GREM2: variants seen among roughly 807,000 people sequenced by gnomAD.
GREM2 encodes gremlin 2, DAN family BMP antagonist, also known as gremlin-2.
A neutral mutation model predicts 14.2 loss-of-function variants in GREM2; 11 were observed. That is an observed-to-expected ratio of 0.78 (90% CI 0.49 to 1.28). The LOEUF is 1.28. Among genes scored for constraint, GREM2 ranks in the 50% most tolerant of loss-of-function variants. The pLI, the probability that GREM2 is intolerant of heterozygous loss-of-function variation, is 0.00. For missense variants in GREM2, 210 were observed against 218.5 expected (o/e 0.96, Z 0.24); for synonymous variants, 98 against 97.6 (o/e 1.00, Z -0.02).
chr1:240,557,314 G>A (rs1236877113), intron 1 of GREM2, among the ~76,000 whole-genome samples: 2 of 152,078 alleles, frequency 1.3e-5, no homozygotes, highest in Admixed American at 6.6e-5. Flanking sequence ...ATGTTTAGGC[G>A]CTGAAGAATT....
At chr1:240,561,164 T>C (rs949157354) in intron 1 of GREM2, among the ~76,000 whole-genome samples, 5 of 152,176 alleles carry the variant, frequency 3.3e-5, no homozygotes, top group Admixed American at 6.6e-5. Context: ...GGAGACAGGT[T>C]CTACTTGTGG....
intron 1 of GREM2, among the ~76,000 whole-genome samples, chr1:240,583,158 T>C (rs1162720283): frequency 2.6e-5 from 4 of 152,142 alleles, no homozygotes. Flanking sequence ...CGAATCATCA[T>C]CTGAAAGTAC....
chr1:240,511,905 CT>C (rs1347212843), intron 1 of GREM2, among the ~76,000 whole-genome samples: 2 of 152,138 alleles, frequency 1.3e-5, no homozygotes, highest in Non-Finnish European at 2.9e-5. Flanking sequence ...GAGACAGCTG[CT>C]GCACCCCCTC....
intron 1 of GREM2, among the ~76,000 whole-genome samples, chr1:240,595,942 G>A (rs1435008524): frequency 6.6e-6 from 1 of 152,134 alleles, no homozygotes; most frequent in Non-Finnish European, 1.5e-5. Flanking sequence ...TCTGGAGAAC[G>A]AGGATAACAA....
chr1:240,568,745 G>A (rs1051804374), intron 1 of GREM2, among the ~76,000 whole-genome samples: 2 of 152,122 alleles, frequency 1.3e-5, no homozygotes, highest in South Asian at 2.1e-4. Flanking sequence ...TCAAATGAAC[G>A]ACATAATTGT....
intron 1 of GREM2, among the ~76,000 whole-genome samples, chr1:240,609,206 G>T (rs532987582): frequency 3.3e-5 from 5 of 151,832 alleles, no homozygotes; most frequent in African/African-American, 1.2e-4. Context: ...ACCCGCTCAC[G>T]TTCCATCCCC....
chr1:240,543,049 C>T lies in GREM2; in HGVS notation c.-1-49573G>A. On this transcript the variant is annotated intron_variant, in intron 1 of 1. Coordinates refer to ENST00000318160, the MANE Select transcript of GREM2 (RefSeq NM_022469.4). This position sits in a 1 kb window ranked among gnomAD's most constrained non-coding sequence, Gnocchi z 6.4. ...AATATCAATTCCTCTGGGAAGCCTCCCAAAATGTCCTAGGCTGCTCTCCTT... is the reference window on the plus strand; with the variant it reads ...AATATCAATTCCTCTGGGAAGCCTCTCAAAATGTCCTAGGCTGCTCTCCTT... Among the ~76,000 whole-genome samples the T allele has an allele frequency of 6.6e-6, 1 of 152,150 alleles. No homozygotes were observed. The highest frequency in any genetic ancestry group is 1.9e-4 in the East Asian group (1 of 5,178).
intron 1 of GREM2, among the ~76,000 whole-genome samples, chr1:240,533,488 G>A (rs1258441442): frequency 2.6e-5 from 4 of 152,160 alleles, no homozygotes; most frequent in East Asian, 1.9e-4. Flanking sequence ...CTGAAGAAAC[G>A]AGGGAGTCCT....
intron 1 of GREM2, among the ~76,000 whole-genome samples, chr1:240,505,237 C>G (rs1292884496): frequency 1.3e-5 from 2 of 152,138 alleles, no homozygotes; most frequent in Admixed American, 1.3e-4. Context: ...CAACATCATG[C>G]GTCCTGTGCA....
At chr1:240,547,576 A>G (rs1305222500) in intron 1 of GREM2, among the ~76,000 whole-genome samples, 1 of 146,258 alleles carries the variant, frequency 6.8e-6, no homozygotes, top group African/African-American at 2.7e-5. Context: ...TATGAATGGA[A>G]GTTCTAAAGA....
Position 240,542,179 on chromosome 1 carries a change from C to A in GREM2, c.-1-48703G>T, listed in dbSNP as rs1428227995. 1.3e-5 allele frequency among the ~76,000 whole-genome samples: 2 copies of A among 152,050 alleles called. No individual in the cohort carries two copies. Among genetic ancestry groups the A allele is most frequent in the Non-Finnish European group, 2.9e-5 (2 of 68,030 alleles). On this transcript the variant is annotated intron_variant, in intron 1 of 1. Transcript: ENST00000318160. The surrounding 1 kb of genome is among the most constrained non-coding windows in gnomAD (Gnocchi z 4.1). ...CCTCCACGACAAAACACCATCCTGT[C>A]CCTTGTCAACAGCATCAATATTGAG... is the stretch of plus-strand genomic sequence containing the variant.
chr1:240,512,796 T>C (rs1677862200), intron 1 of GREM2, among the ~76,000 whole-genome samples: 1 of 152,194 alleles, frequency 6.6e-6, no homozygotes, highest in Non-Finnish European at 1.5e-5. Context: ...TTTAAGTTAT[T>C]AAAGTTATGG....
chr1:240,568,350 A>T (rs1679203188), intron 1 of GREM2, among the ~76,000 whole-genome samples: 2 of 152,192 alleles, frequency 1.3e-5, no homozygotes, highest in Admixed American at 6.5e-5. Context: ...CAATATGCCA[A>T]CAAAGGAGAT....
At chr1:240,506,514 A>G (rs971909993) in intron 1 of GREM2, among the ~76,000 whole-genome samples, 15 of 152,188 alleles carry the variant, frequency 9.9e-5, no homozygotes, top group African/African-American at 3.6e-4. Flanking sequence ...TCGACCAAGG[A>G]AAACAAACAT....
intron 1 of GREM2, among the ~76,000 whole-genome samples, chr1:240,572,066 G>A (rs765089365): frequency 6.6e-6 from 1 of 152,254 alleles, no homozygotes; most frequent in African/African-American, 2.4e-5. Context: ...GATCCAAGAC[G>A]TAATTGACAC....
intron 1 of GREM2, among the ~76,000 whole-genome samples, chr1:240,599,455 C>T (rs1679877888): frequency 6.6e-6 from 1 of 152,076 alleles, no homozygotes; most frequent in African/African-American, 2.4e-5. Context: ...TGTTTTCCTC[C>T]AGGGAGTGAC....
intron 1 of GREM2, among the ~76,000 whole-genome samples, chr1:240,563,108 TGTGTGTATATGTGA>T (rs1482283368): frequency 6.6e-6 from 1 of 150,956 alleles, no homozygotes; most frequent in Non-Finnish European, 1.5e-5. Flanking sequence ...TATGTGTGTA[TGTGTGTATATGTGA>T]GTGTGTATGT....
intron 1 of GREM2, chr1:240,530,584 T>C (rs1031503748): frequency 2.0e-5 from 3 of 152,188 alleles, no homozygotes; most frequent in Non-Finnish European, 4.4e-5. Context: ...AAATATACAA[T>C]TCAAAGGAAT....
intron 1 of GREM2, among the ~76,000 whole-genome samples, chr1:240,578,190 A>G (rs1679407556): frequency 2.0e-5 from 3 of 152,120 alleles, no homozygotes; most frequent in South Asian, 4.2e-4. Context: ...CAGTGGTGCA[A>G]TCTCGGCTCA....
Sources: allele counts gnomAD v4.1 joint callset (sites outside exome capture counted in the v4.1 genomes callset), GRCh38; gene constraint gnomAD v4.1.1; non-coding constraint Gnocchi (gnomAD v3.1); transcripts MANE v1.5; gene names NCBI Gene and HGNC (gene_info 2026-07-23, HGNC 2026-07-21).